DRC3: variants seen among roughly 807,000 people sequenced by gnomAD.
DRC3 encodes dynein regulatory complex subunit 3.
A neutral mutation model predicts 57.6 loss-of-function variants in DRC3; 45 were observed. The ratio of observed to expected loss-of-function variants is 0.78; its 90% CI spans 0.62 to 1.00. The LOEUF is 1.00. Among genes scored for constraint, DRC3 ranks in the 50% least tolerant of loss-of-function variants. The pLI, the probability that DRC3 is intolerant of heterozygous loss-of-function variation, is 0.00. For missense variants in DRC3, 655 were observed against 675.2 expected (o/e 0.97, Z 0.33); for synonymous variants, 257 against 272.3 (o/e 0.94, Z 0.55).
Position 18,004,472 on chromosome 17 carries a change from T to A in DRC3, c.1109T>A (p.Met370Lys), listed in dbSNP as rs1366706244. 6.2e-7 allele frequency: 1 copy of A among 1,611,274 alleles called. No individual in the cohort carries two copies. The highest frequency in any genetic ancestry group is 2.2e-5 in the East Asian group (1 of 44,830). ...ELFDALMTLE[M>K]QLVEQLEETI... Reference sequence around the variant, plus strand: ...TTCGATGCGCTCATGACGCTGGAGATGCAGCTGGTGGAGCAGCTGGAGGTA... The same window carrying A: ...TTCGATGCGCTCATGACGCTGGAGAAGCAGCTGGTGGAGCAGCTGGAGGTA... Residue 370 changes from methionine to lysine, a missense_variant, in exon 10 of 14, where the codon ATG becomes AAG. Coordinates refer to ENST00000399187, the MANE Select transcript of DRC3 (RefSeq NM_031294.4).
chr17:17,994,383 G>C lies in DRC3; in HGVS notation c.676G>C (p.Glu226Gln), dbSNP rs1318719919. The change falls in exon 7 of 14, where the codon GAG (glutamate) becomes CAG (glutamine). Residue 226 changes from glutamate to glutamine, a missense_variant. Glu to Gln is a conservative substitution (Grantham distance 29). Transcript: ENST00000399187. The part of the protein sequence containing the change: ...ENLMQAQLED[E>Q]QAQREELEKH... ...CCTGATGCAGGCCCAGCTGGAGGACGAGCAGGCGCAGCGGGAGGAGCTAGA... is the reference window on the plus strand; with the variant it reads ...CCTGATGCAGGCCCAGCTGGAGGACCAGCAGGCGCAGCGGGAGGAGCTAGA... The C allele has an allele frequency of 6.4e-7, 1 of 1,554,522 alleles. No individual in the cohort carries two copies.
At chr17:17,977,800 T>C (rs1282949537) in intron 3 of DRC3, 42 bp downstream of exon 3, 1 of 1,519,318 alleles carries the variant, frequency 6.6e-7, no homozygotes, top group Admixed American at 2.1e-5. Flanking sequence ...GGGTGGGCCC[T>C]CCCTGGCTTT....
Position 17,988,114 on chromosome 17 carries a change from G to T in DRC3, c.444+16G>T. The T allele has an allele frequency of 6.2e-7, 1 of 1,611,014 alleles. No individual in the cohort carries two copies. Among genetic ancestry groups the T allele is most frequent in the South Asian group, 1.1e-5 (1 of 90,730 alleles). ...CATGATGAACGTGAGTGGCCGCCCA[G>T]CCCGCCCTCACGCACACCTGCAGAG... On this transcript the variant is annotated intron_variant, in intron 5 of 13. Coordinates refer to ENST00000399187, the MANE Select transcript of DRC3 (RefSeq NM_031294.4).
Position 17,997,460 on chromosome 17 carries a change from C to G in DRC3, c.825C>G (p.Thr275=), listed in dbSNP as rs762749605. The G allele has an allele frequency of 6.2e-7, 1 of 1,612,958 alleles. No individual in the cohort carries two copies. Among genetic ancestry groups the G allele is most frequent in the Non-Finnish European group, 8.5e-7 (1 of 1,179,574 alleles). ...YLPGVGELLE[T]YKDKFVIICV... ...GTGGGCTTCCTTAACAGCCACTCACCTACAAGGACAAGTTTGTCATCATCT... is the reference window on the plus strand; with the variant it reads ...GTGGGCTTCCTTAACAGCCACTCACGTACAAGGACAAGTTTGTCATCATCT... The change falls in exon 9 of 14, where the codon ACC becomes ACG. Residue 275 remains threonine (T), a splice_region_variant and synonymous_variant. Transcript: ENST00000399187.
chr17:17,992,752 T>C lies in DRC3; in HGVS notation c.445-13T>C. 6.2e-7 allele frequency: 1 copy of C among 1,607,644 alleles called. No homozygotes were observed. The highest frequency in any genetic ancestry group is 8.5e-7 in the Non-Finnish European group (1 of 1,176,280). ...AGCCAAGAAAATGGGCCTTTCTCCC[T>C]TTTTCTCCCCAGATCATCTACCTCC... On this transcript the variant is annotated splice_polypyrimidine_tract_variant and intron_variant, in intron 5 of 13. Transcript: ENST00000399187.
At chr17:18,005,894 T>C in intron 10 of DRC3, 3 of 398,362 alleles carry the variant, frequency 7.5e-6, no homozygotes, top group Non-Finnish European at 9.4e-6. Flanking sequence ...TGTGTGTGTG[T>C]TGGGCAGGCA....
At position 17,983,931 on chromosome 17, in the gene DRC3, C is replaced by A. The variant is rs1194604669; in HGVS notation, c.264C>A (p.His88Gln). 1.9e-6 allele frequency: 3 copies of A among 1,611,090 alleles called. No individual in the cohort carries two copies. Among genetic ancestry groups the A allele is most frequent in the Admixed American group, 3.3e-5 (2 of 59,968 alleles). The stretch of plus-strand genomic sequence containing the variant: ...TCGAGGGCCTGGAGAACCTCGCACA[C>A]CTGGTCTGGCTGGGTAAGGCCCTTT... ...EKIEGLENLA[H>Q]LVWLDLSFNN... The change falls in exon 4 of 14, where the codon CAC (histidine) becomes CAA (glutamine). Residue 88 changes from histidine to glutamine, a missense_variant. By Grantham distance (24) the His-to-Gln change is conservative. Coordinates refer to ENST00000399187, the MANE Select transcript of DRC3 (RefSeq NM_031294.4).
intron 12 of DRC3, chr17:18,011,315 G>T (rs2044160049): frequency 2.9e-6 from 1 of 350,466 alleles, no homozygotes; most frequent in Non-Finnish European, 5.5e-6. Flanking sequence ...AGCCAGCGCA[G>T]CAGGTTCAAG....
rs551763487 is a variant in DRC3, at chr17:17,975,597, T to A, written c.-18+1635T>A. 2.2e-5 allele frequency among the ~76,000 whole-genome samples: 3 copies of A among 136,592 alleles called. No individual in the cohort carries two copies. In the South Asian group the frequency reaches 6.7e-4, roughly 30 times the overall value. The allele number at this position is 136,592 out of a possible 152,430, so 89.6% of individuals were successfully genotyped here. On this transcript the variant is annotated intron_variant, in intron 2 of 13. Transcript: ENST00000399187. ...ACATTAAAATTCCCCCAAAGACAAG[T>A]TGATGACAAGTTATGGGAAACCGCA...
chr17:17,993,034 T>C (rs1389508833), intron 6 of DRC3, 123 bp downstream of exon 6: 2 of 993,922 alleles, frequency 2.0e-6, no homozygotes, highest in Non-Finnish European at 3.0e-6. Context: ...AAAGGGCAGC[T>C]CCCTCTTCCT....
At position 18,000,687 on chromosome 17, in the gene DRC3, C is replaced by T. The variant is rs922611845; in HGVS notation, c.999+3053C>T. Among the ~76,000 whole-genome samples the T allele has an allele frequency of 6.6e-5, 10 of 152,304 alleles. No individual in the cohort carries two copies. The South Asian group carries it at 8.3e-4, about 13-fold the overall frequency. Reference sequence around the variant, plus strand: ...TAACCTACAGAACCTGTACCTTCCACAGCCGTCATCAGGCCAGTGTCACAG... The same window carrying T: ...TAACCTACAGAACCTGTACCTTCCATAGCCGTCATCAGGCCAGTGTCACAG... On this transcript the variant is annotated intron_variant, in intron 9 of 13. Transcript: ENST00000399187.
chr17:17,993,993 G>A, intron 6 of DRC3: 1 of 336,376 alleles, frequency 3.0e-6, no homozygotes, highest in South Asian at 2.6e-5. Context: ...TCTGGGGCGA[G>A]GGGAGCGCTC....
chr17:18,010,108 A>G (rs2044117581), intron 12 of DRC3, among the ~76,000 whole-genome samples: 1 of 152,216 alleles, frequency 6.6e-6, no homozygotes, highest in African/African-American at 2.4e-5. Context: ...GGGTCTGCTC[A>G]AGTGGCAGTG....
At chr17:18,003,484 TAAAAAAAAAAAAAAAAA>T (rs71155309) in intron 9 of DRC3, among the ~76,000 whole-genome samples, 1,003 of 30,244 alleles carry the variant, frequency 0.033, 33 homozygotes, top group African/African-American at 0.099. Context: ...ACTACGTCTT[TAAAAAAAAAAAAAAAAA>T]AAAAAAAAAA....
chr17:18,007,827 C>T, intron 12 of DRC3: 1 of 1,010,286 alleles, frequency 9.9e-7, no homozygotes, highest in South Asian at 4.2e-5. Context: ...TCATTCACTC[C>T]ACTGCCAGTT....
intron 9 of DRC3, among the ~76,000 whole-genome samples, chr17:18,002,469 G>A (rs578035409): frequency 6.6e-6 from 1 of 152,150 alleles, no homozygotes; most frequent in Non-Finnish European, 1.5e-5. Flanking sequence ...TTGGACCCCA[G>A]GTTGCCATAT....
intron 4 of DRC3, among the ~76,000 whole-genome samples, chr17:17,985,397 C>T (rs1375876445): frequency 6.6e-6 from 1 of 152,238 alleles, no homozygotes; most frequent in Non-Finnish European, 1.5e-5. Context: ...TAAGAGGTCA[C>T]ACTGCCCCTC....
chr17:17,977,687 A>G lies in DRC3; in HGVS notation c.89A>G (p.Glu30Gly). Reference protein sequence around the residue: ...LAVGDQGPQEEAGQLAKQEGI... With the variant: ...LAVGDQGPQEGAGQLAKQEGI... ...GTCGGGGACCAGGGCCCCCAGGAGG[A>G]GGCCGGGCAGCTGGCCAAGCAGGAG... Residue 30 changes from glutamate to glycine, a missense_variant, in exon 3 of 14, where the codon GAG (glutamate) becomes GGG (glycine). Coordinates refer to ENST00000399187, the MANE Select transcript of DRC3 (RefSeq NM_031294.4). 1 of 1,613,712 alleles carries G rather than the reference A, an allele frequency of 6.2e-7. No individual in the cohort carries two copies. Among genetic ancestry groups the G allele is most frequent in the South Asian group, 1.1e-5 (1 of 91,070 alleles).
chr17:17,988,884 C>G (rs1037648770), intron 5 of DRC3, among the ~76,000 whole-genome samples: 17 of 152,102 alleles, frequency 1.1e-4, no homozygotes, highest in African/African-American at 3.9e-4. Context: ...GGAAGTTTGC[C>G]CTGCATGCCA....
Sources: allele counts gnomAD v4.1 joint callset (sites outside exome capture counted in the v4.1 genomes callset), GRCh38; gene constraint gnomAD v4.1.1; transcripts MANE v1.5; gene names NCBI Gene and HGNC (gene_info 2026-07-23, HGNC 2026-07-21).